Variants in NUDT13 observed in about 807,000 individuals in gnomAD.
NUDT13 encodes NAD(P)H pyrophosphatase NUDT13, mitochondrial.
Under a neutral mutation model 41.7 loss-of-function variants are expected in NUDT13, and 40 were observed. The ratio of observed to expected loss-of-function variants is 0.96; its 90% confidence interval spans 0.75 to 1.25. NUDT13 has a LOEUF of 1.25. Among genes scored for constraint, NUDT13 ranks in the 50% most tolerant of loss-of-function variants. The pLI, the probability that NUDT13 is intolerant of heterozygous loss-of-function variation, is 0.00. For synonymous variants in NUDT13, 145 were observed against 155.5 expected, an observed-to-expected ratio of 0.93 and a Z score of 0.50; for missense variants, 390 against 416.1, an observed-to-expected ratio of 0.94 and a Z score of 0.55.
chr10:73,127,001 T>C (rs1416122143), intron 8 of NUDT13, among the ~76,000 whole-genome samples, 174 bp downstream of exon 8: 2 of 152,182 alleles, frequency 1.3e-5, no homozygotes, highest in African/African-American at 2.4e-5. Context: ...CCCAACACTT[T>C]GGGAGGCTGA....
intron 4 of NUDT13, 94 bp from the exon 5 acceptor site, chr10:73,124,120 T>C: frequency 1.2e-6 from 1 of 843,356 alleles, no homozygotes; most frequent in Non-Finnish European, 1.9e-6. Flanking sequence ...ACGAGGCAAG[T>C]TTGGGAAACA....
rs1161410514 is a variant in NUDT13, at chr10:73,120,057, A to G, written c.123A>G (p.Lys41=). 6.2e-7 allele frequency: 1 copy of G among 1,614,076 alleles called. No homozygotes were observed. Among genetic ancestry groups the G allele is most frequent in the Non-Finnish European group, 8.5e-7 (1 of 1,180,010 alleles). Residue 41 remains lysine (K), a synonymous_variant, in exon 3 of 9, where the codon AAA becomes AAG. Transcript: ENST00000357321. The part of the protein sequence containing the change: ...FELKEDDDAC[K]KAQQTGAFYL... ...TGAAGGAAGATGATGATGCATGTAA[A>G]AAAGCCCAGCAAACAGGAGCGTTTT...
At chr10:73,126,890 C>A in intron 8 of NUDT13, 63 bp downstream of exon 8, 1 of 1,397,674 alleles carries the variant, frequency 7.2e-7, no homozygotes, top group Non-Finnish European at 1.0e-6. Flanking sequence ...TGCTCATCAG[C>A]AAGTACTTAT....
In NUDT13 at chr10:73,131,728, T is replaced by C. The variant is rs1842922189; in HGVS notation, c.*825T>C. ...GCCAAACCTGACCTATTTCTTAAAC[T>C]TTATGGAATAAACTAAATTTAGGAT... On this transcript the variant is annotated 3_prime_UTR_variant, in exon 9 of 9. Coordinates refer to ENST00000357321, the MANE Select transcript of NUDT13 (RefSeq NM_015901.6). The C allele has an allele frequency of 6.6e-6, 1 of 152,216 alleles. No individual in the cohort carries two copies. Among genetic ancestry groups the C allele is most frequent in the Non-Finnish European group, 1.5e-5 (1 of 68,032 alleles). The allele number at this position is 152,216 out of a possible 1,614,324, so 9.4% of individuals were successfully genotyped here.
At chr10:73,119,179 G>A (rs1842582260) in intron 2 of NUDT13, among the ~76,000 whole-genome samples, 2 of 151,844 alleles carry the variant, frequency 1.3e-5, no homozygotes, top group South Asian at 2.1e-4. Flanking sequence ...CTGAGTAGCT[G>A]GGACTACAGG....
rs1389494573 is a variant in NUDT13 at position 73,122,119 on chromosome 10, G to C, written c.224-56G>C. The C allele has an allele frequency of 2.1e-5, 33 of 1,575,208 alleles. No homozygotes were observed. In the South Asian group the frequency reaches 2.7e-4, roughly 13 times the overall value. On this transcript the variant is annotated intron_variant, in intron 3 of 8. Coordinates refer to ENST00000357321, the MANE Select transcript of NUDT13 (RefSeq NM_015901.6). ...TCTGTGAGTCTAATATGGCTGTAGT[G>C]ATTTAATAGAAACCCTTGTGTTTTG...
At chr10:73,127,005 A>C (rs1429658969) in intron 8 of NUDT13, among the ~76,000 whole-genome samples, 178 bp downstream of exon 8, 1 of 152,214 alleles carries the variant, frequency 6.6e-6, no homozygotes, top group Non-Finnish European at 1.5e-5. Flanking sequence ...ACACTTTGGG[A>C]GGCTGATGTG....
intron 4 of NUDT13, among the ~76,000 whole-genome samples, chr10:73,123,269 T>G (rs1412491936): frequency 6.6e-6 from 1 of 152,234 alleles, no homozygotes; most frequent in Non-Finnish European, 1.5e-5. Flanking sequence ...ATTTCTTTTT[T>G]GAATACAGGT....
chr10:73,111,613 T>C (rs902916907), intron 1 of NUDT13, among the ~76,000 whole-genome samples: 2 of 152,248 alleles, frequency 1.3e-5, no homozygotes, highest in Non-Finnish European at 2.9e-5. Context: ...AGACTGCTAT[T>C]ACCTTTCATC....
rs765138836 is a variant in NUDT13, at chr10:73,126,678, A to C, written c.709A>C (p.Ser237Arg). Residue 237 changes from serine to arginine, a missense_variant, in exon 8 of 9, where the codon AGT becomes CGT. By Grantham distance (110) the Ser-to-Arg change is moderately radical (BLOSUM62 -1). Transcript: ENST00000357321. Reference sequence around the variant, plus strand: ...ATTAATCTGAGTGCTTGTAGGTGAAAGTGTGGAAGAGACCATCCGCCGAGA... The same window carrying C: ...ATTAATCTGAGTGCTTGTAGGTGAACGTGTGGAAGAGACCATCCGCCGAGA... Reference protein sequence around the residue: ...ALAGFCDIGESVEETIRREVA... With the variant: ...ALAGFCDIGERVEETIRREVA... 6.2e-7 allele frequency: 1 copy of C among 1,613,974 alleles called. No homozygotes were observed. The highest frequency in any genetic ancestry group is 1.1e-5 in the South Asian group (1 of 91,062).
chr10:73,127,884 C>T (rs1351791091), intron 8 of NUDT13, among the ~76,000 whole-genome samples: 1 of 151,946 alleles, frequency 6.6e-6, no homozygotes, highest in Non-Finnish European at 1.5e-5. Context: ...AAACCTGGTA[C>T]CCTTTGACCA....
chr10:73,118,461 G>A (rs927017629), intron 2 of NUDT13, among the ~76,000 whole-genome samples: 5 of 152,108 alleles, frequency 3.3e-5, no homozygotes, highest in African/African-American at 9.7e-5. Context: ...TTACCTGAGC[G>A]TCTGTTTTAG....
chr10:73,121,443 T>A (rs2133215856), intron 3 of NUDT13, among the ~76,000 whole-genome samples: 1 of 152,346 alleles, frequency 6.6e-6, no homozygotes, highest in South Asian at 2.1e-4. Context: ...GTTTATGTTG[T>A]ATTACGGTTT....
chr10:73,131,440 T>G lies in NUDT13; in HGVS notation c.*537T>G, dbSNP rs1842915867. Reference sequence around the variant, plus strand: ...TAGTTACATGAACATGCTAGTTAAATAAAAGTCACAATTAAGTCATTATGA... The same window carrying G: ...TAGTTACATGAACATGCTAGTTAAAGAAAAGTCACAATTAAGTCATTATGA... On this transcript the variant is annotated 3_prime_UTR_variant, in exon 9 of 9. Transcript: ENST00000357321. The G allele has an allele frequency of 6.3e-6, 1 of 157,598 alleles. No homozygotes were observed. The highest frequency in any genetic ancestry group is 6.0e-5 in the Admixed American group (1 of 16,760). The allele number at this position is 157,598 out of a possible 1,614,324, so 9.8% of individuals were successfully genotyped here. A position where few individuals can be genotyped will look rare whatever the true frequency, so the allele number is the denominator to read the frequency against.
At chr10:73,123,253 A>G (rs1326880531) in intron 4 of NUDT13, among the ~76,000 whole-genome samples, 2 of 152,214 alleles carry the variant, frequency 1.3e-5, no homozygotes, top group African/African-American at 4.8e-5. Flanking sequence ...TTATAACATC[A>G]TTCTAATTTC....
At chr10:73,124,968 C>T (rs1842734770) in intron 5 of NUDT13, 150 bp from the exon 6 acceptor site, 5 of 808,042 alleles carry the variant, frequency 6.2e-6, no homozygotes, top group Admixed American at 3.2e-5. Context: ...TTTACTTGTC[C>T]TGAAATTTAA....
At chr10:73,118,966 T>C (rs2133210486) in intron 2 of NUDT13, among the ~76,000 whole-genome samples, 1 of 151,996 alleles carries the variant, frequency 6.6e-6, no homozygotes. Context: ...AGTGAGACTC[T>C]GTCTCAAAAC....
Position 73,122,250 on chromosome 10 carries a change from A to ATCAG in NUDT13, c.299_300insTCAG (p.Glu100AspfsTer16), listed in dbSNP as rs1230925506. The ATCAG allele has an allele frequency of 6.2e-7, 1 of 1,614,054 alleles. No individual in the cohort carries two copies. Reference sequence around the variant, plus strand: ...GATTCTGTGCTGATTGGATGCTCTGAGCAGCAGGAAGCATGGTTTGCTCTG... The same window carrying ATCAG: ...GATTCTGTGCTGATTGGATGCTCTGATCAGGCAGCAGGAAGCATGGTTTGCTCTG... On this transcript the variant is annotated frameshift_variant, in exon 4 of 9. Transcript: ENST00000357321. LOFTEE classifies it high-confidence loss of function.
Position 73,129,167 on chromosome 10 carries a change from CTTTTTTTTTT to C in NUDT13, c.859-1523_859-1514del, listed in dbSNP as rs900393888. Among the ~76,000 whole-genome samples, 3 of 110,194 alleles carry C rather than the reference CTTTTTTTTTT, an allele frequency of 2.7e-5. No individual in the cohort carries two copies. In the East Asian group the frequency reaches 8.6e-4, roughly 32 times the overall value. The allele number at this position is 110,194 out of a possible 152,430, so 72.3% of individuals were successfully genotyped here. ...AGTTGAAAGAAACTTAAGACGTTGTCTTTTTTTTTTTTTTTTTTTTTTGAGATGGAGTCTC... is the reference window on the plus strand; with the variant it reads ...AGTTGAAAGAAACTTAAGACGTTGTCTTTTTTTTTTTTGAGATGGAGTCTC... On this transcript the variant is annotated intron_variant, in intron 8 of 8. Transcript: ENST00000357321.
Sources: allele counts gnomAD v4.1 joint callset (sites outside exome capture counted in the v4.1 genomes callset), GRCh38; gene constraint gnomAD v4.1.1; transcripts MANE v1.5; gene names NCBI Gene and HGNC (gene_info 2026-07-23, HGNC 2026-07-21).